Variants in DAGLB observed in about 807,000 individuals in gnomAD.
DAGLB encodes diacylglycerol lipase beta.
Under a neutral mutation model 72.1 loss-of-function variants are expected in DAGLB, and 66 were observed. The ratio of observed to expected loss-of-function variants is 0.92; its 90% CI spans 0.75 to 1.12. DAGLB has a LOEUF of 1.12. DAGLB is among the 50% of genes most tolerant of loss of function. DAGLB has a pLI of 0.00. For missense variants in DAGLB, 1,065 were observed against 884.9 expected (o/e 1.20, Z -2.58); for synonymous variants, 414 against 359.5 (o/e 1.15, Z -1.71).
intron 11 of DAGLB, among the ~76,000 whole-genome samples, chr7:6,415,138 G>A (rs1178364482): frequency 1.3e-5 from 2 of 151,596 alleles, no homozygotes; most frequent in Non-Finnish European, 1.5e-5. Context: ...TCCAGCTGGG[G>A]AGACTGAGTG....
chr7:6,432,007 G>A (rs888471597), intron 5 of DAGLB, among the ~76,000 whole-genome samples: 2 of 151,954 alleles, frequency 1.3e-5, no homozygotes, highest in African/African-American at 2.4e-5. Flanking sequence ...TGAGTTTACC[G>A]GTGTAACAAC....
chr7:6,410,519 C>G, intron 13 of DAGLB, 139 bp from the exon 14 acceptor site: 1 of 1,310,962 alleles, frequency 7.6e-7, no homozygotes, highest in South Asian at 1.5e-5. Flanking sequence ...AGCAAAGATG[C>G]ACCGGCGAGC....
rs758391168 is a variant in DAGLB, at chr7:6,413,001, G to A, written c.1461C>T (p.Ile487=). The A allele has an allele frequency of 2.9e-5, 47 of 1,613,774 alleles. No individual in the cohort carries two copies. The highest frequency in any genetic ancestry group is 5.3e-5 in the African/African-American group (4 of 74,920). ...KALQEYSQSF[I]VSLVLGKDVI... is the part of the protein sequence containing the mutation. ...CATCCTTCCCCAGGACGAGTGACACGATGAAGCTCTGAGAATATTCCTGCA... is the reference window on the plus strand; with the variant it reads ...CATCCTTCCCCAGGACGAGTGACACAATGAAGCTCTGAGAATATTCCTGCA... Residue 487 remains isoleucine (I), a synonymous_variant, in exon 12 of 15, where the codon ATC becomes ATT. Coordinates refer to ENST00000297056, the MANE Select transcript of DAGLB (RefSeq NM_139179.4).
At chr7:6,415,740 G>A (rs964739182) in intron 11 of DAGLB, among the ~76,000 whole-genome samples, 1 of 151,720 alleles carries the variant, frequency 6.6e-6, no homozygotes, top group Non-Finnish European at 1.5e-5. Context: ...AGCTACTCGG[G>A]AGGCTGAGGC....
rs1783652798 is a variant in DAGLB, at chr7:6,409,728, T to C, written c.*109A>G. 1 of 1,248,906 alleles carries C rather than the reference T, an allele frequency of 8.0e-7. No homozygotes were observed. The highest frequency in any genetic ancestry group is 1.5e-5 in the African/African-American group (1 of 66,740). The allele number at this position is 1,248,906 out of a possible 1,614,324, so 77.4% of individuals were successfully genotyped here. A position where few individuals can be genotyped will look rare whatever the true frequency, so the allele number is the denominator to read the frequency against. On this transcript the variant is annotated 3_prime_UTR_variant, in exon 15 of 15. Coordinates refer to ENST00000297056, the MANE Select transcript of DAGLB (RefSeq NM_139179.4). ...GAATTCTGTTCCCATCCGATTCCTG[T>C]TGATGGACATTCGCTGTTTTGGCGT...
intron 2 of DAGLB, among the ~76,000 whole-genome samples, chr7:6,442,548 A>T (rs1784867329): frequency 6.6e-6 from 1 of 152,218 alleles, no homozygotes; most frequent in Non-Finnish European, 1.5e-5. Context: ...AGGGCAAATA[A>T]GTTAGATAAT....
At position 6,424,972 on chromosome 7, in the gene DAGLB, AC is replaced by A. The variant is rs1390528616; in HGVS notation, c.1057-138del. 7.8e-6 allele frequency: 6 copies of A among 766,598 alleles called. No homozygotes were observed. The African/African-American group carries it at 1.0e-4, about 13-fold the overall frequency. 47.5% of individuals were successfully genotyped at this position (766,598 alleles called of 1,614,324 possible). A position where few individuals can be genotyped will look rare whatever the true frequency, so the allele number is the denominator to read the frequency against. ...AGGAGGGGACACCGCCTCTCCACTC[AC>A]GCTCACTACACAGTGGGACCCACTC... On this transcript the variant is annotated intron_variant, in intron 7 of 14. Transcript: ENST00000297056.
chr7:6,421,945 C>T, intron 8 of DAGLB, 141 bp from the exon 9 acceptor site: 1 of 939,954 alleles, frequency 1.1e-6, no homozygotes, highest in Non-Finnish European at 1.6e-6. Flanking sequence ...GGACTGAACC[C>T]TAAACTAAAG....
chr7:6,421,612 C>T (rs1433234155), intron 9 of DAGLB, 115 bp downstream of exon 9: 10 of 769,342 alleles, frequency 1.3e-5, no homozygotes, highest in Non-Finnish European at 5.9e-6. Context: ...GCGCGGGAGG[C>T]GCAGGCAGCG....
chr7:6,411,427 G>C (rs1397197190), intron 13 of DAGLB, among the ~76,000 whole-genome samples: 2 of 152,216 alleles, frequency 1.3e-5, no homozygotes, highest in African/African-American at 4.8e-5. Flanking sequence ...TTTGAGACCA[G>C]CCTGGGCAAC....
intron 2 of DAGLB, 24 bp from the exon 3 acceptor site, chr7:6,436,557 C>T (rs746114735): frequency 6.2e-7 from 1 of 1,613,828 alleles, no homozygotes; most frequent in Non-Finnish European, 8.5e-7. Context: ...AACGTTCCGA[C>T]TGCTCAGTTG....
At chr7:6,443,095 A>C (rs1422622687) in intron 2 of DAGLB, among the ~76,000 whole-genome samples, 1 of 150,782 alleles carries the variant, frequency 6.6e-6, no homozygotes, top group Non-Finnish European at 1.5e-5. Flanking sequence ...AGGCAGGAGA[A>C]TGGCGTGAAC....
At chr7:6,427,158 A>T (rs1047233637) in intron 6 of DAGLB, among the ~76,000 whole-genome samples, 1 of 152,190 alleles carries the variant, frequency 6.6e-6, no homozygotes, top group Non-Finnish European at 1.5e-5. Flanking sequence ...AAACTAAAAA[A>T]ACTACAAACA....
intron 2 of DAGLB, among the ~76,000 whole-genome samples, chr7:6,438,918 G>A (rs1487070211): frequency 1.3e-5 from 2 of 152,014 alleles, no homozygotes. Flanking sequence ...ACACGGTTTT[G>A]CCTGCCTAGA....
At chr7:6,443,108 G>A (rs561613973) in intron 2 of DAGLB, among the ~76,000 whole-genome samples, 3 of 150,654 alleles carry the variant, frequency 2.0e-5, no homozygotes, top group Admixed American at 2.0e-4. Context: ...GCGTGAACCC[G>A]GGAGGCGGAG....
rs962504754 is a variant in DAGLB, at chr7:6,409,365, A to AAACC, written c.*468_*471dup. 2 of 157,324 alleles carry AAACC rather than the reference A, an allele frequency of 1.3e-5. No homozygotes were observed. The highest frequency in any genetic ancestry group is 4.8e-5 in the African/African-American group (2 of 41,510). The allele number at this position is 157,324 out of a possible 1,614,324, so 9.7% of individuals were successfully genotyped here. A position where few individuals can be genotyped will look rare whatever the true frequency, so the allele number is the denominator to read the frequency against. ...GCTGCCCTTGGTGACGCCCAGGAGA[A>AAACC]AACCCCAGCCCGCACCCTCACCACA... On this transcript the variant is annotated 3_prime_UTR_variant, in exon 15 of 15. Coordinates refer to ENST00000297056, the MANE Select transcript of DAGLB (RefSeq NM_139179.4).
At chr7:6,432,558 G>C (rs1459426151) in intron 5 of DAGLB, among the ~76,000 whole-genome samples, 1 of 151,834 alleles carries the variant, frequency 6.6e-6, no homozygotes, top group Non-Finnish European at 1.5e-5. Context: ...TACTCAGGAG[G>C]CTGGGGCAGG....
At chr7:6,428,742 C>T (rs1175848752) in intron 6 of DAGLB, among the ~76,000 whole-genome samples, 3 of 152,152 alleles carry the variant, frequency 2.0e-5, no homozygotes, top group African/African-American at 7.2e-5. Flanking sequence ...CCGCCTTGGC[C>T]TCCCAAAGTG....
chr7:6,436,617 G>A (rs1784667477), intron 2 of DAGLB, 84 bp from the exon 3 acceptor site: 7 of 1,567,350 alleles, frequency 4.5e-6, no homozygotes, highest in Middle Eastern at 3.4e-4. Context: ...AGCTTTTGCA[G>A]AGCATACATT....
Sources: gnomAD v4.1 joint callset for allele counts (sites outside exome capture counted in the v4.1 genomes callset) on GRCh38, gnomAD v4.1.1 for gene constraint, MANE v1.5 for transcripts, NCBI Gene and HGNC (gene_info 2026-07-23, HGNC 2026-07-21) for gene names.